Variants in DPYD observed in about 807,000 individuals in gnomAD.
The protein encoded by DPYD is dihydropyrimidine dehydrogenase.
A neutral mutation model predicts 116.2 loss-of-function variants in DPYD; 109 were observed. The observed-to-expected ratio is 0.94, with a 90% CI of 0.80 to 1.10. The LOEUF is 1.10. Ranked by LOEUF, DPYD falls within the 50% of genes least tolerant of loss-of-function variation. The pLI is 0.00. For synonymous variants in DPYD, 440 were observed against 432.0 expected (o/e 1.02, Z -0.23); for missense variants, 1,302 against 1,254.5 (o/e 1.04, Z -0.57).
chr1:97,920,163 A>G (rs1030615128), intron 1 of DPYD, among the ~76,000 whole-genome samples: 9 of 152,214 alleles, frequency 5.9e-5, no homozygotes, highest in Non-Finnish European at 1.2e-4. Flanking sequence ...CATCGCATAT[A>G]TTAAGATACT....
At chr1:97,537,274 T>C (rs983011104) in intron 12 of DPYD, among the ~76,000 whole-genome samples, 3 of 152,216 alleles carry the variant, frequency 2.0e-5, no homozygotes, top group Non-Finnish European at 4.4e-5. Flanking sequence ...ATAAGCATTA[T>C]TGAAGGTAGC....
intron 19 of DPYD, among the ~76,000 whole-genome samples, chr1:97,209,596 G>A (rs551748118): frequency 3.3e-5 from 5 of 152,206 alleles, no homozygotes; most frequent in African/African-American, 9.6e-5. Context: ...ATGATGAGTC[G>A]TGAAACTTTC....
At chr1:97,099,846 A>G (rs1182886886) in intron 20 of DPYD, among the ~76,000 whole-genome samples, 1 of 152,080 alleles carries the variant, frequency 6.6e-6, no homozygotes, top group East Asian at 1.9e-4. Flanking sequence ...GGTAAGCTAA[A>G]CTTAAACCAT....
intron 16 of DPYD, among the ~76,000 whole-genome samples, chr1:97,371,898 TC>T (rs1671328767): frequency 6.6e-6 from 1 of 152,208 alleles, no homozygotes; most frequent in South Asian, 2.1e-4. Flanking sequence ...ACATGTGTTT[TC>T]CAAGAGTTTT....
chr1:97,198,877 C>T (rs2101838951), intron 19 of DPYD, among the ~76,000 whole-genome samples: 1 of 152,206 alleles, frequency 6.6e-6, no homozygotes, highest in East Asian at 1.9e-4. Flanking sequence ...CTCAGCAGGA[C>T]CAGCCCTACA....
chr1:97,458,171 A>G (rs900568860), intron 13 of DPYD, among the ~76,000 whole-genome samples: 6 of 152,192 alleles, frequency 3.9e-5, no homozygotes, highest in African/African-American at 1.4e-4. Flanking sequence ...ATCTTCAAGT[A>G]TTAGAGCAGA....
At chr1:97,441,052 A>G (rs541167218) in intron 14 of DPYD, among the ~76,000 whole-genome samples, 188 of 152,286 alleles carry the variant, frequency 1.2e-3, no homozygotes, top group African/African-American at 4.5e-3. Context: ...TCACACTAGT[A>G]ACTGTTACAT....
chr1:97,572,792 T>C (rs1406725943), intron 11 of DPYD, among the ~76,000 whole-genome samples: 4 of 152,040 alleles, frequency 2.6e-5, no homozygotes, highest in African/African-American at 9.7e-5. Flanking sequence ...AGATGTTTGA[T>C]GCCCTGCAGA....
intron 16 of DPYD, among the ~76,000 whole-genome samples, chr1:97,333,545 G>A (rs796483097): frequency 1.8e-5 from 2 of 113,872 alleles, no homozygotes; most frequent in African/African-American, 7.8e-5. Context: ...TTTTGAGATG[G>A]AGTCTCACAC....
At chr1:97,755,529 A>T (rs1353835764) in intron 3 of DPYD, among the ~76,000 whole-genome samples, 1 of 152,180 alleles carries the variant, frequency 6.6e-6, no homozygotes, top group Non-Finnish European at 1.5e-5. Flanking sequence ...GTGCACAATG[A>T]GTCTGCTTCA....
At chr1:97,641,654 G>A (rs1287008520) in intron 8 of DPYD, among the ~76,000 whole-genome samples, 1 of 152,104 alleles carries the variant, frequency 6.6e-6, no homozygotes, top group Non-Finnish European at 1.5e-5. Flanking sequence ...CACTGAATGG[G>A]CAAAAGCTGG....
intron 5 of DPYD, chr1:97,720,610 T>G: frequency 8.5e-7 from 1 of 1,175,724 alleles, no homozygotes; most frequent in Non-Finnish European, 1.0e-6. Flanking sequence ...AAGAGCAAAG[T>G]GAGACTTAAG....
At chr1:97,823,864 C>CTTTTTTT (rs56673700) in intron 3 of DPYD, among the ~76,000 whole-genome samples, 1 of 81,718 alleles carries the variant, frequency 1.2e-5, no homozygotes. Context: ...ACTACAAAGT[C>CTTTTTTT]TTTTTTTTTT....
At chr1:97,749,819 T>C (rs1166402760) in intron 3 of DPYD, among the ~76,000 whole-genome samples, 1 of 152,128 alleles carries the variant, frequency 6.6e-6, no homozygotes, top group East Asian at 1.9e-4. Flanking sequence ...AGCTGTTACA[T>C]GATGCTCAAT....
chr1:97,135,060 C>T (rs1653683225), intron 20 of DPYD, among the ~76,000 whole-genome samples: 1 of 151,936 alleles, frequency 6.6e-6, no homozygotes, highest in African/African-American at 2.4e-5. Context: ...ACAGCTTAAT[C>T]CACCATTTTT....
chr1:97,586,705 G>A (rs1390941801), intron 10 of DPYD, among the ~76,000 whole-genome samples: 1 of 151,420 alleles, frequency 6.6e-6, no homozygotes, highest in African/African-American at 2.4e-5. Flanking sequence ...CCTATTTGCA[G>A]TCTTCTTTTT....
chr1:97,265,199 T>C (rs558076146), intron 18 of DPYD, among the ~76,000 whole-genome samples: 1 of 152,254 alleles, frequency 6.6e-6, no homozygotes, highest in South Asian at 2.1e-4. Context: ...CTTTTCCCTC[T>C]TCTTGGTGTT....
At chr1:97,512,947 T>C (rs989994844) in intron 13 of DPYD, among the ~76,000 whole-genome samples, 2 of 151,858 alleles carry the variant, frequency 1.3e-5, no homozygotes, top group Admixed American at 6.6e-5. Context: ...AAAGCCATTT[T>C]TGATGTTATT....
At chr1:97,627,327 T>C (rs1656989929) in intron 8 of DPYD, among the ~76,000 whole-genome samples, 1 of 152,056 alleles carries the variant, frequency 6.6e-6, no homozygotes, top group Non-Finnish European at 1.5e-5. Flanking sequence ...TATGTAAATA[T>C]TACCAACAAT....
Sources: gnomAD v4.1 joint callset for allele counts (sites outside exome capture counted in the v4.1 genomes callset) on GRCh38, gnomAD v4.1.1 for gene constraint, MANE v1.5 for transcripts, NCBI Gene and HGNC (gene_info 2026-07-23, HGNC 2026-07-21) for gene names.